EIF2S2: variants seen among roughly 807,000 people sequenced by gnomAD.
EIF2S2 encodes the protein eukaryotic translation initiation factor 2 subunit beta, also known as eukaryotic translation initiation factor 2 subunit 2.
Under a neutral mutation model 44.0 loss-of-function variants are expected in EIF2S2, and 4 were observed. The ratio of observed to expected loss-of-function variants is 0.09; its 90% CI spans 0.04 to 0.21. The LOEUF (loss-of-function observed/expected upper bound fraction) is 0.21. EIF2S2 is among the 10% of genes least tolerant of loss of function. The pLI, the probability that EIF2S2 is intolerant of heterozygous loss-of-function variation, is 1.00. For synonymous variants in EIF2S2, 108 were observed against 128.3 expected (o/e 0.84, Z 1.07); for missense variants, 154 against 392.0 (o/e 0.39, Z 5.13).
chr20:34,095,310 C>CTTTT (rs148341160), intron 6 of EIF2S2, among the ~76,000 whole-genome samples: 1 of 123,920 alleles, frequency 8.1e-6, no homozygotes, highest in Non-Finnish European at 1.7e-5. Flanking sequence ...TTAGCTACCT[C>CTTTT]TTTTTTTTTT....
At chr20:34,106,956 C>T (rs1194924968) in intron 1 of EIF2S2, among the ~76,000 whole-genome samples, 2 of 151,926 alleles carry the variant, frequency 1.3e-5, no homozygotes, top group Admixed American at 1.3e-4. Context: ...CCGAGGCGGG[C>T]GGATCATGAG....
At chr20:34,091,648 G>A (rs1018541371) in intron 7 of EIF2S2, among the ~76,000 whole-genome samples, 6 of 151,372 alleles carry the variant, frequency 4.0e-5, no homozygotes, top group Admixed American at 4.0e-4. Context: ...AACCTGGGAG[G>A]CAGAGGTTGC....
chr20:34,098,048 C>G (rs1477202650), intron 4 of EIF2S2, among the ~76,000 whole-genome samples: 4 of 152,052 alleles, frequency 2.6e-5, no homozygotes, highest in Non-Finnish European at 5.9e-5. Context: ...GAGTTCGAGA[C>G]CTGCCTGACC....
At chr20:34,090,048 T>C (rs1207938309) in intron 8 of EIF2S2, 143 bp from the exon 9 acceptor site, 1 of 836,098 alleles carries the variant, frequency 1.2e-6, no homozygotes, top group African/African-American at 1.7e-5. Context: ...AGCGCAGCTA[T>C]TCGAGGGGTA....
intron 1 of EIF2S2, chr20:34,108,332 A>G (rs1379602137): frequency 6.6e-6 from 1 of 152,168 alleles, no homozygotes; most frequent in East Asian, 1.9e-4. Context: ...ATCTCTCTCA[A>G]TTACTGTCTG....
At chr20:34,092,886 G>A (rs562152946) in intron 7 of EIF2S2, among the ~76,000 whole-genome samples, 5 of 152,246 alleles carry the variant, frequency 3.3e-5, no homozygotes, top group African/African-American at 9.6e-5. Flanking sequence ...AGATAGACCT[G>A]ATTGTATCTA....
intron 7 of EIF2S2, among the ~76,000 whole-genome samples, chr20:34,091,688 C>T (rs1236642458): frequency 6.8e-6 from 1 of 147,174 alleles, no homozygotes; most frequent in Non-Finnish European, 1.5e-5. Flanking sequence ...CACTGCACTC[C>T]AGCCTGGGCG....
chr20:34,093,847 T>G lies in EIF2S2; in HGVS notation c.684-116A>C. On this transcript the variant is annotated intron_variant, in intron 6 of 8. Coordinates refer to ENST00000374980, the MANE Select transcript of EIF2S2 (RefSeq NM_003908.5). Reference sequence around the variant, plus strand: ...TATTTAGCTATTAAGTGAATTTCACTGCACCATTTATTTAAACTTTGAAAT... The same window carrying G: ...TATTTAGCTATTAAGTGAATTTCACGGCACCATTTATTTAAACTTTGAAAT... 4.7e-6 allele frequency: 4 copies of G among 859,182 alleles called. No homozygotes were observed. The South Asian group carries it at 7.1e-5, about 15-fold the overall frequency. 53.2% of individuals were successfully genotyped at this position (859,182 alleles called of 1,614,324 possible).
chr20:34,099,889 T>G (rs942701300), intron 3 of EIF2S2, among the ~76,000 whole-genome samples: 11 of 152,200 alleles, frequency 7.2e-5, no homozygotes, highest in African/African-American at 2.7e-4. Context: ...AGGGCAGGCG[T>G]GGAGCTGCCA....
In EIF2S2 at chr20:34,112,187, C is replaced by G. The variant is rs937916558; in HGVS notation, c.-77G>C. Reference sequence around the variant, plus strand: ...CCAGGCCCCGGCGGCAGCGCTGCCCCTGCCGATACCTCTCCCACCACCGCA... The same window carrying G: ...CCAGGCCCCGGCGGCAGCGCTGCCCGTGCCGATACCTCTCCCACCACCGCA... On this transcript the variant is annotated 5_prime_UTR_variant, in exon 1 of 9. Transcript: ENST00000374980. The G allele has an allele frequency of 6.9e-7, 1 of 1,440,944 alleles. No homozygotes were observed. Among genetic ancestry groups the G allele is most frequent in the Admixed American group, 2.3e-5 (1 of 42,672 alleles). 89.3% of individuals were successfully genotyped at this position (1,440,944 alleles called of 1,614,324 possible). A position where few individuals can be genotyped will look rare whatever the true frequency, so the allele number is the denominator to read the frequency against.
intron 7 of EIF2S2, among the ~76,000 whole-genome samples, chr20:34,092,546 T>C (rs2034178621): frequency 2.0e-5 from 3 of 152,138 alleles, no homozygotes. Context: ...CGGGCGCCTG[T>C]AGTCCCAGCT....
At chr20:34,108,372 T>C (rs2034372112) in intron 1 of EIF2S2, 1 of 152,196 alleles carries the variant, frequency 6.6e-6, no homozygotes, top group Non-Finnish European at 1.5e-5. Flanking sequence ...CATTGCCTTA[T>C]TTTATTCATA....
chr20:34,091,856 C>T (rs931727925), intron 7 of EIF2S2, among the ~76,000 whole-genome samples: 1 of 149,762 alleles, frequency 6.7e-6, no homozygotes, highest in Non-Finnish European at 1.5e-5. Context: ...GACGGACGTC[C>T]GAGTGGGACT....
intron 1 of EIF2S2, among the ~76,000 whole-genome samples, chr20:34,109,623 G>A (rs974595706): frequency 3.3e-5 from 5 of 151,886 alleles, no homozygotes; most frequent in Non-Finnish European, 2.9e-5. Context: ...TTGTGCCACC[G>A]CACTCCAGCC....
At chr20:34,104,965 C>A (rs914927280) in intron 2 of EIF2S2, among the ~76,000 whole-genome samples, 54 of 152,206 alleles carry the variant, frequency 3.5e-4, no homozygotes, top group African/African-American at 1.2e-3. Context: ...GTAACTAAAG[C>A]TGGTGTCTAA....
chr20:34,100,240 C>A (rs1286372173), intron 3 of EIF2S2, among the ~76,000 whole-genome samples: 2 of 152,150 alleles, frequency 1.3e-5, no homozygotes, highest in Non-Finnish European at 2.9e-5. Context: ...GTCTCAAACT[C>A]CTGACCTCAG....
Position 34,091,749 on chromosome 20 carries a change from T to A in EIF2S2, c.741-1147A>T, listed in dbSNP as rs562770996. Among the ~76,000 whole-genome samples, 358 of 124,934 alleles carry A rather than the reference T, an allele frequency of 2.9e-3. 3 individuals are homozygous for A. The highest frequency in any genetic ancestry group is 4.0e-3 in the Non-Finnish European group (241 of 60,974). 82.0% of individuals were successfully genotyped at this position (124,934 alleles called of 152,430 possible). A position where few individuals can be genotyped will look rare whatever the true frequency, so the allele number is the denominator to read the frequency against. On this transcript the variant is annotated intron_variant, in intron 7 of 8. Transcript: ENST00000374980. ...AAAAAAAAAACCCCATTGGATTGTA[T>A]ATATTATTTATATATATTTATTTTT...
At chr20:34,106,770 AG>A (rs2034354358) in intron 1 of EIF2S2, among the ~76,000 whole-genome samples, 1 of 152,170 alleles carries the variant, frequency 6.6e-6, no homozygotes, top group Admixed American at 6.5e-5. Context: ...ACTATAGAGT[AG>A]GTGAAAAACT....
At chr20:34,094,093 T>C (rs1305578672) in intron 6 of EIF2S2, among the ~76,000 whole-genome samples, 2 of 152,196 alleles carry the variant, frequency 1.3e-5, no homozygotes, top group Non-Finnish European at 2.9e-5. Context: ...GGTCTCACTA[T>C]GTTGCCCAGA....
Sources: gnomAD v4.1 joint callset for allele counts (sites outside exome capture counted in the v4.1 genomes callset) on GRCh38, gnomAD v4.1.1 for gene constraint, MANE v1.5 for transcripts, NCBI Gene and HGNC (gene_info 2026-07-23, HGNC 2026-07-21) for gene names.